Variants in SIMC1 observed in about 807,000 individuals in gnomAD.
SIMC1 encodes the protein SUMO interacting motifs containing 1, also known as SUMO-interacting motif-containing protein 1.
SIMC1 carries 55 observed loss-of-function variants against 82.3 expected under a neutral mutation model. That is an observed-to-expected ratio of 0.67 (90% CI 0.54 to 0.84). SIMC1 has a LOEUF of 0.84. Among genes scored for constraint, SIMC1 ranks in the 40% least tolerant of loss-of-function variants. The pLI, the probability that SIMC1 is intolerant of heterozygous loss-of-function variation, is 0.00. For missense variants in SIMC1, 915 were observed against 1,107.2 expected, an observed-to-expected ratio of 0.83 and a Z score of 2.46; for synonymous variants, 353 against 426.3, an observed-to-expected ratio of 0.83 and a Z score of 2.12.
At chr5:176,249,130 G>A (rs1761555998) in intron 1 of SIMC1, among the ~76,000 whole-genome samples, 1 of 152,110 alleles carries the variant, frequency 6.6e-6, no homozygotes, top group Non-Finnish European at 1.5e-5. Flanking sequence ...ACGAGTTAGG[G>A]AGGAGTCCCT....
At chr5:176,330,687 G>A (rs1281647581) in intron 7 of SIMC1, among the ~76,000 whole-genome samples, 2 of 152,070 alleles carry the variant, frequency 1.3e-5, no homozygotes, top group South Asian at 2.1e-4. Flanking sequence ...AGAAAGAGAC[G>A]GGACCCCCTT....
chr5:176,327,579 GCTTGCTTTTT>G (rs548063806), intron 7 of SIMC1, among the ~76,000 whole-genome samples: 270 of 152,186 alleles, frequency 1.8e-3, no homozygotes, highest in Middle Eastern at 0.01. Flanking sequence ...TATGCCTTTT[GCTTGCTTTTT>G]CTTGCCATAC....
At chr5:176,301,294 C>T (rs991051807) in intron 4 of SIMC1, among the ~76,000 whole-genome samples, 1 of 152,184 alleles carries the variant, frequency 6.6e-6, no homozygotes, top group Admixed American at 6.5e-5. Flanking sequence ...AGTTCCCCTA[C>T]ACAAGCTCTC....
rs1288420008 is a variant in SIMC1 at position 176,277,099 on chromosome 5, T to G, written c.130-12555T>G. Among the ~76,000 whole-genome samples, 2 of 151,906 alleles carry G rather than the reference T, an allele frequency of 1.3e-5. 1 individual carries two copies. Among genetic ancestry groups the G allele is most frequent in the Admixed American group, 1.3e-4 (2 of 15,250 alleles). On this transcript the variant is annotated intron_variant, in intron 1 of 9. Coordinates refer to ENST00000429602, the MANE Select transcript of SIMC1 (RefSeq NM_001308195.2). ...AGTGTTCCTGTTTCTCCACATCCTC[T>G]CCAGCACCTGTCGTTTCCTGACTTT...
intron 7 of SIMC1, among the ~76,000 whole-genome samples, chr5:176,330,793 C>T (rs746955728): frequency 3.3e-5 from 5 of 152,082 alleles, no homozygotes; most frequent in Admixed American, 6.6e-5. Context: ...TGAATGGATA[C>T]TAACATGGTG....
At position 176,337,393 on chromosome 5, in the gene SIMC1, C is replaced by A. The variant is rs543596307; in HGVS notation, c.2413+247C>A. Among the ~76,000 whole-genome samples the A allele has an allele frequency of 5.1e-3, 782 of 152,200 alleles. 6 individuals are homozygous for A. Among genetic ancestry groups the A allele is most frequent in the Non-Finnish European group, 7.6e-3 (518 of 68,000 alleles). ...TGTAGGTAAGCAGAAGTCATCAGAA[C>A]CTCCAGCCTGGCCAACATGGTGAAA... On this transcript the variant is annotated intron_variant, in intron 9 of 9. Transcript: ENST00000429602.
intron 1 of SIMC1, among the ~76,000 whole-genome samples, chr5:176,262,606 A>G (rs1433942195): frequency 4.6e-5 from 7 of 152,202 alleles, no homozygotes; most frequent in Non-Finnish European, 1.0e-4. Flanking sequence ...GGAGTTCGAG[A>G]CCAGCCTGGC....
At chr5:176,269,659 A>G (rs1444878012) in intron 1 of SIMC1, among the ~76,000 whole-genome samples, 1 of 152,256 alleles carries the variant, frequency 6.6e-6, no homozygotes, top group South Asian at 2.1e-4. Flanking sequence ...TTCTCAAGTT[A>G]TTTTATTAAA....
intron 4 of SIMC1, 21 bp from the exon 5 acceptor site, chr5:176,313,670 T>C (rs372198463): frequency 6.2e-7 from 1 of 1,612,738 alleles, no homozygotes; most frequent in Non-Finnish European, 8.5e-7. Flanking sequence ...AAAGACTGAC[T>C]TCTCATTCTT....
intron 7 of SIMC1, among the ~76,000 whole-genome samples, chr5:176,327,713 T>A (rs1765455450): frequency 6.6e-6 from 1 of 152,206 alleles, no homozygotes; most frequent in Non-Finnish European, 1.5e-5. Context: ...AAGTGTGATG[T>A]TAGCTATAAA....
At chr5:176,335,150 T>G (rs1205236961) in intron 7 of SIMC1, among the ~76,000 whole-genome samples, 2 of 151,874 alleles carry the variant, frequency 1.3e-5, no homozygotes, top group Non-Finnish European at 2.9e-5. Context: ...GTAAGTTCTC[T>G]AATGCCTGAA....
intron 1 of SIMC1, among the ~76,000 whole-genome samples, chr5:176,272,794 G>A (rs539977994): frequency 5.9e-5 from 9 of 152,294 alleles, no homozygotes; most frequent in African/African-American, 1.9e-4. Context: ...TATATCCTGC[G>A]CCTAGCTTGG....
intron 4 of SIMC1, among the ~76,000 whole-genome samples, chr5:176,301,697 T>A (rs1037345173): frequency 3.3e-5 from 5 of 151,228 alleles, no homozygotes; most frequent in African/African-American, 1.2e-4. Context: ...GAGAATCACC[T>A]GAACCCGGGA....
rs1049630152 is a variant in SIMC1, at chr5:176,345,298, C to T, written c.2529C>T (p.Ala843=). ...TAGACGTAGAGAAGCAGATTGAGGC[C>T]TTCCGCAGCCGCCTGATCCAGATGC... ...TVVDVEKQIE[A]FRSRLIQMLG... The change falls in exon 10 of 10, where the codon GCC becomes GCT. Residue 843 remains alanine, a synonymous_variant. Transcript: ENST00000429602. 1 of 1,613,978 alleles carries T rather than the reference C, an allele frequency of 6.2e-7. No individual in the cohort carries two copies. Among genetic ancestry groups the T allele is most frequent in the African/African-American group, 1.3e-5 (1 of 75,016 alleles).
At chr5:176,299,277 C>T (rs1763942423) in intron 4 of SIMC1, among the ~76,000 whole-genome samples, 1 of 152,032 alleles carries the variant, frequency 6.6e-6, no homozygotes, top group Non-Finnish European at 1.5e-5. Context: ...CCTGTTGTCC[C>T]AGCTACTGTG....
At position 176,276,738 on chromosome 5, in the gene SIMC1, A is replaced by G. The variant is rs112139755; in HGVS notation, c.130-12916A>G. Reference sequence around the variant, plus strand: ...TTGCGATAGTTTACTGAGAATGATGATTTCCAATTTCATCCATGTCCCTAC... The same window carrying G: ...TTGCGATAGTTTACTGAGAATGATGGTTTCCAATTTCATCCATGTCCCTAC... On this transcript the variant is annotated intron_variant, in intron 1 of 9. Coordinates refer to ENST00000429602, the MANE Select transcript of SIMC1 (RefSeq NM_001308195.2). 4.2e-5 allele frequency among the ~76,000 whole-genome samples: 6 copies of G among 141,536 alleles called. No homozygotes were observed. In the South Asian group the frequency reaches 1.2e-3, roughly 27 times the overall value. 92.9% of individuals were successfully genotyped at this position (141,536 alleles called of 152,430 possible). A position where few individuals can be genotyped will look rare whatever the true frequency, so the allele number is the denominator to read the frequency against.
chr5:176,333,164 C>T (rs953546542), intron 7 of SIMC1, among the ~76,000 whole-genome samples: 4 of 151,788 alleles, frequency 2.6e-5, no homozygotes, highest in Admixed American at 1.3e-4. Flanking sequence ...ATTAGCTGGG[C>T]GTGGTGGTGC....
chr5:176,253,342 G>A (rs1344653567), intron 1 of SIMC1, among the ~76,000 whole-genome samples: 3 of 151,888 alleles, frequency 2.0e-5, no homozygotes, highest in Non-Finnish European at 2.9e-5. Context: ...ACGATTATGC[G>A]TCTTGGGGTT....
At chr5:176,280,358 C>A (rs1350681661) in intron 1 of SIMC1, among the ~76,000 whole-genome samples, 3 of 152,072 alleles carry the variant, frequency 2.0e-5, no homozygotes, top group South Asian at 4.1e-4. Flanking sequence ...TTATTTTGAG[C>A]CTATGTGTGT....
Sources: allele counts gnomAD v4.1 joint callset (sites outside exome capture counted in the v4.1 genomes callset), GRCh38; gene constraint gnomAD v4.1.1; transcripts MANE v1.5; gene names NCBI Gene and HGNC (gene_info 2026-07-23, HGNC 2026-07-21).